The following ANK3 variants were observed in gnomAD, a reference collection of about 807,000 sequenced individuals.
ANK3 encodes the protein ankyrin-3.
A neutral mutation model predicts 370.9 loss-of-function variants in ANK3; 57 were observed. The ratio of observed to expected loss-of-function variants is 0.15; its 90% confidence interval spans 0.12 to 0.19. The LOEUF is 0.19. Ranked by LOEUF, ANK3 falls within the 10% of genes least tolerant of loss-of-function variation. The pLI, the probability that ANK3 is intolerant of heterozygous loss-of-function variation, is 1.00. For synonymous variants in ANK3, 1,929 were observed against 1,946.3 expected, an observed-to-expected ratio of 0.99 and a Z score of 0.23; for missense variants, 4,439 against 5,302.1, an observed-to-expected ratio of 0.84 and a Z score of 5.06.
chr10:60,667,612 C>T (rs2079014870), intron 1 of ANK3, among the ~76,000 whole-genome samples: 1 of 151,090 alleles, frequency 6.6e-6, no homozygotes, highest in African/African-American at 2.5e-5. Flanking sequence ...TTACACTTTA[C>T]AACCTTGTCA....
chr10:60,486,395 A>G (rs1184293458), intron 2 of ANK3, among the ~76,000 whole-genome samples: 1 of 152,238 alleles, frequency 6.6e-6, no homozygotes. Flanking sequence ...CCTGGCCAAC[A>G]TGGCAAAACC....
At chr10:60,176,559 C>A (rs1395235025) in intron 18 of ANK3, among the ~76,000 whole-genome samples, 2 of 151,940 alleles carry the variant, frequency 1.3e-5, no homozygotes, top group African/African-American at 4.8e-5. Context: ...GTCAGGAGCT[C>A]GAGATCAGCC....
At chr10:60,443,282 G>A (rs1391723886) in intron 2 of ANK3, among the ~76,000 whole-genome samples, 2 of 152,070 alleles carry the variant, frequency 1.3e-5, no homozygotes, top group Non-Finnish European at 2.9e-5. Context: ...ACATTTGTTA[G>A]AATAAAATGT....
chr10:60,074,530 T>G lies in ANK3; in HGVS notation c.6351A>C (p.Gln2117His), dbSNP rs775760681. ...TILESPDDFS[Q>H]HDQDKSPLSD... ...ACAAGGGACTTTTATCTTGGTCGTG[T>G]TGAGAAAAGTCATCAGGAGACTCTA... Residue 2117 changes from glutamine (Q) to histidine (H), a missense_variant, in exon 37 of 44, where the codon CAA becomes CAC. Transcript: ENST00000280772. 6.2e-7 allele frequency: 1 copy of G among 1,613,780 alleles called. No homozygotes were observed. Among genetic ancestry groups the G allele is most frequent in the Non-Finnish European group, 8.5e-7 (1 of 1,179,908 alleles).
chr10:60,689,178 G>A (rs2079312986), intron 1 of ANK3, among the ~76,000 whole-genome samples: 1 of 152,112 alleles, frequency 6.6e-6, no homozygotes, highest in Admixed American at 6.5e-5. Context: ...GGCAGGAGGA[G>A]TGCTTGACCC....
At chr10:60,478,836 A>G (rs1265894590) in intron 2 of ANK3, among the ~76,000 whole-genome samples, 2 of 152,120 alleles carry the variant, frequency 1.3e-5, no homozygotes, top group African/African-American at 2.4e-5. Flanking sequence ...CCTCACATAA[A>G]ATAAGGATTG....
intron 1 of ANK3, among the ~76,000 whole-genome samples, chr10:60,635,097 G>A (rs954769634): frequency 6.6e-6 from 1 of 151,998 alleles, no homozygotes; most frequent in Non-Finnish European, 1.5e-5. Flanking sequence ...GATACTATTG[G>A]GAGCTCACGC....
At chr10:60,362,433 A>C (rs1047869167) in intron 1 of ANK3, among the ~76,000 whole-genome samples, 3 of 152,202 alleles carry the variant, frequency 2.0e-5, no homozygotes, top group African/African-American at 7.2e-5. Context: ...GCTAAGATTT[A>C]TATCATCAAG....
chr10:60,232,588 T>C (rs1299030582), intron 8 of ANK3, among the ~76,000 whole-genome samples: 9 of 152,144 alleles, frequency 5.9e-5, no homozygotes. Flanking sequence ...AGTAAGACAG[T>C]CATTTAGGGG....
At chr10:60,468,959 T>C (rs1170472921) in intron 2 of ANK3, among the ~76,000 whole-genome samples, 2 of 105,512 alleles carry the variant, frequency 1.9e-5, no homozygotes, top group African/African-American at 3.8e-5. Context: ...ATATGAGAAG[T>C]ATATATAGGA....
At chr10:60,556,718 C>T (rs2077214626) in intron 2 of ANK3, among the ~76,000 whole-genome samples, 1 of 152,014 alleles carries the variant, frequency 6.6e-6, no homozygotes, top group Non-Finnish European at 1.5e-5. Flanking sequence ...CAATAAAAAT[C>T]AAAGTACAGA....
intron 1 of ANK3, among the ~76,000 whole-genome samples, chr10:60,368,321 A>G (rs1378113838): frequency 6.6e-6 from 1 of 152,142 alleles, no homozygotes; most frequent in Non-Finnish European, 1.5e-5. Flanking sequence ...TTCACATTTC[A>G]TGCAACGGCA....
At chr10:60,145,862 C>A (rs2094792690) in intron 23 of ANK3, 2 of 668,488 alleles carry the variant, frequency 3.0e-6, no homozygotes, top group African/African-American at 1.8e-5. Context: ...CAGAACAGAA[C>A]CTGGCACATA....
chr10:60,464,307 C>T (rs2133063671), intron 2 of ANK3, among the ~76,000 whole-genome samples: 1 of 152,066 alleles, frequency 6.6e-6, no homozygotes, highest in East Asian at 1.9e-4. Context: ...ACTATAAATA[C>T]TTTTATGTTT....
chr10:60,579,797 T>TAAA (rs954794637), intron 2 of ANK3, among the ~76,000 whole-genome samples: 3 of 152,228 alleles, frequency 2.0e-5, no homozygotes, highest in African/African-American at 7.2e-5. Context: ...TCAATCCTTT[T>TAAA]ATAATTATCC....
At chr10:60,293,617 C>G (rs1183396299) in intron 1 of ANK3, among the ~76,000 whole-genome samples, 1 of 152,048 alleles carries the variant, frequency 6.6e-6, no homozygotes, top group African/African-American at 2.4e-5. Context: ...TGATACAGAA[C>G]AAGAATGAAT....
chr10:60,213,877 G>A (rs2096894144), intron 8 of ANK3, among the ~76,000 whole-genome samples: 1 of 151,924 alleles, frequency 6.6e-6, no homozygotes, highest in African/African-American at 2.4e-5. Context: ...TTCTACATTG[G>A]TTCTTTTTCC....
intron 1 of ANK3, among the ~76,000 whole-genome samples, chr10:60,313,782 CAA>C (rs2046841421): frequency 6.6e-6 from 1 of 152,164 alleles, no homozygotes; most frequent in Non-Finnish European, 1.5e-5. Context: ...TGACATTGAA[CAA>C]AGTTTATAAA....
chr10:60,544,248 T>C (rs995362975), intron 2 of ANK3, among the ~76,000 whole-genome samples: 1 of 152,178 alleles, frequency 6.6e-6, no homozygotes, highest in Admixed American at 6.6e-5. Flanking sequence ...AGTCTTGTTA[T>C]AGTTCAACCC....
Sources: allele counts gnomAD v4.1 joint callset (sites outside exome capture counted in the v4.1 genomes callset), GRCh38; gene constraint gnomAD v4.1.1; transcripts MANE v1.5; gene names NCBI Gene and HGNC (gene_info 2026-07-23, HGNC 2026-07-21).